Variants in CNTN1 observed in about 807,000 individuals in gnomAD.
CNTN1 encodes contactin 1.
In CNTN1, 38 loss-of-function variants were observed where a neutral mutation model predicts 126.4. That is an observed-to-expected ratio of 0.30 (90% CI 0.23 to 0.39). The LOEUF (loss-of-function observed/expected upper bound fraction) is 0.39, where lower values mean the gene tolerates loss of function less well. Ranked by LOEUF, CNTN1 falls within the 10% of genes least tolerant of loss-of-function variation. CNTN1 has a pLI of 1.00. For synonymous variants in CNTN1, 413 were observed against 422.6 expected (o/e 0.98, Z 0.28); for missense variants, 1,009 against 1,248.4 (o/e 0.81, Z 2.89).
At chr12:40,747,180 G>GT (rs1422778587) in intron 1 of CNTN1, among the ~76,000 whole-genome samples, 1 of 152,006 alleles carries the variant, frequency 6.6e-6, no homozygotes, top group Non-Finnish European at 1.5e-5. Flanking sequence ...TCATGTTTTT[G>GT]TTTGTCTCAC....
At chr12:41,002,672 C>T (rs1195243703) in intron 17 of CNTN1, among the ~76,000 whole-genome samples, 2 of 151,734 alleles carry the variant, frequency 1.3e-5, no homozygotes. Flanking sequence ...ATTCTCCTGC[C>T]TCGGCCTCCT....
chr12:40,807,352 G>A (rs192980549), intron 1 of CNTN1, among the ~76,000 whole-genome samples: 71 of 152,016 alleles, frequency 4.7e-4, no homozygotes, highest in Middle Eastern at 3.4e-3. Flanking sequence ...CCTACATGGT[G>A]AGTAGTTCTC....
intron 1 of CNTN1, among the ~76,000 whole-genome samples, chr12:40,765,056 A>G (rs574623594): frequency 6.6e-6 from 1 of 151,292 alleles, no homozygotes; most frequent in African/African-American, 2.4e-5. Flanking sequence ...AATATTTTAT[A>G]TTATATATAT....
At chr12:41,019,772 T>A (rs1468858399) in intron 19 of CNTN1, among the ~76,000 whole-genome samples, 1 of 152,160 alleles carries the variant, frequency 6.6e-6, no homozygotes, top group African/African-American at 2.4e-5. Context: ...AATTTTTTTT[T>A]AAAGATCTTA....
At chr12:40,698,528 G>A (rs1941511919) in intron 1 of CNTN1, among the ~76,000 whole-genome samples, 1 of 152,058 alleles carries the variant, frequency 6.6e-6, no homozygotes, top group Non-Finnish European at 1.5e-5. Flanking sequence ...GAGCCACCAT[G>A]ACCGGCCATG....
At chr12:40,749,405 T>C (rs953193307) in intron 1 of CNTN1, among the ~76,000 whole-genome samples, 9 of 152,166 alleles carry the variant, frequency 5.9e-5, no homozygotes, top group African/African-American at 2.2e-4. Context: ...TGCACAGGAG[T>C]GTACAGATAT....
chr12:40,730,668 T>G (rs1394786799), intron 1 of CNTN1, among the ~76,000 whole-genome samples: 1 of 152,214 alleles, frequency 6.6e-6, no homozygotes, highest in African/African-American at 2.4e-5. Flanking sequence ...AATGGGTATT[T>G]GCTAACTTTC....
intron 1 of CNTN1, among the ~76,000 whole-genome samples, chr12:40,785,562 G>T (rs1255338335): frequency 6.6e-6 from 1 of 152,118 alleles, no homozygotes; most frequent in Non-Finnish European, 1.5e-5. Flanking sequence ...GATAGGTGGT[G>T]GAATTAGGAG....
At chr12:40,893,327 T>C (rs1195694802) in intron 1 of CNTN1, among the ~76,000 whole-genome samples, 1 of 152,052 alleles carries the variant, frequency 6.6e-6, no homozygotes, top group African/African-American at 2.4e-5. Flanking sequence ...AAAAACTAAA[T>C]GTCTTTAAAT....
At chr12:40,787,804 T>C (rs970368362) in intron 1 of CNTN1, among the ~76,000 whole-genome samples, 1 of 152,314 alleles carries the variant, frequency 6.6e-6, no homozygotes, top group Admixed American at 6.5e-5. Context: ...ATGAATTTCA[T>C]TGTGTGATTC....
At chr12:41,061,341 A>G (rs1949934530) in intron 23 of CNTN1, among the ~76,000 whole-genome samples, 1 of 152,170 alleles carries the variant, frequency 6.6e-6, no homozygotes, top group Non-Finnish European at 1.5e-5. Context: ...CATCCTGGTG[A>G]TCTGGTGTTT....
In CNTN1 at chr12:40,842,000, TAA is replaced by T. The variant is rs748859287; in HGVS notation, c.-76-66351_-76-66350del. ...CCCATAAATTTATACAAATTTTTTT[TAA>T]AAAAAGAAATAAATAAAAAGATATT... On this transcript the variant is annotated intron_variant, in intron 1 of 23. Coordinates refer to ENST00000551295, the MANE Select transcript of CNTN1 (RefSeq NM_001843.4). 6.2e-4 allele frequency among the ~76,000 whole-genome samples: 94 copies of T among 151,672 alleles called. 1 individual carries two copies. The highest frequency in any genetic ancestry group is 1.0e-3 in the Non-Finnish European group (71 of 67,756).
At chr12:40,856,793 G>A (rs1446315802) in intron 1 of CNTN1, among the ~76,000 whole-genome samples, 1 of 152,002 alleles carries the variant, frequency 6.6e-6, no homozygotes, top group Admixed American at 6.6e-5. Flanking sequence ...CTGCAAGGTT[G>A]ACTTTGAGGT....
rs1200733253 is a variant in CNTN1 at position 40,954,131 on chromosome 12, G to A, written c.1684-4983G>A. On this transcript the variant is annotated intron_variant, in intron 14 of 23. Transcript: ENST00000551295. ...TAGACACCGAAGCAACCAAAGTACT[G>A]AGTTCATTTAATGAATAAATACCAA... Among the ~76,000 whole-genome samples, 3 of 152,014 alleles carry A rather than the reference G, an allele frequency of 2.0e-5. No individual in the cohort carries two copies. In the East Asian group the frequency reaches 5.8e-4, roughly 29 times the overall value.
chr12:40,941,103 A>C (rs35188176), intron 12 of CNTN1, among the ~76,000 whole-genome samples: 5,053 of 152,262 alleles, frequency 0.033, 109 homozygotes, highest in Middle Eastern at 0.11. Context: ...ATATGTGTTC[A>C]AAAAAAGAAG....
intron 1 of CNTN1, among the ~76,000 whole-genome samples, chr12:40,898,426 G>A (rs890363775): frequency 2.6e-5 from 4 of 151,852 alleles, no homozygotes; most frequent in African/African-American, 7.3e-5. Context: ...GTCTTCGAAC[G>A]GGTTTTGAAT....
intron 1 of CNTN1, among the ~76,000 whole-genome samples, chr12:40,868,278 A>G (rs1943367207): frequency 6.6e-6 from 1 of 152,170 alleles, no homozygotes; most frequent in African/African-American, 2.4e-5. Context: ...TTCTCTATAC[A>G]AAGATCATTA....
chr12:40,884,786 G>C (rs1943976139), intron 1 of CNTN1, among the ~76,000 whole-genome samples: 1 of 151,472 alleles, frequency 6.6e-6, no homozygotes, highest in South Asian at 2.1e-4. Context: ...ACTGCTGTGA[G>C]TTCCTTATAG....
At chr12:40,923,162 ATAG>A (rs1379639815) in intron 5 of CNTN1, among the ~76,000 whole-genome samples, 16 of 151,984 alleles carry the variant, frequency 1.1e-4, no homozygotes, top group Non-Finnish European at 1.8e-4. Context: ...TTAACTTCTA[ATAG>A]TAGGAATAAA....
Sources: allele counts gnomAD v4.1 joint callset (sites outside exome capture counted in the v4.1 genomes callset), GRCh38; gene constraint gnomAD v4.1.1; transcripts MANE v1.5; gene names NCBI Gene and HGNC (gene_info 2026-07-23, HGNC 2026-07-21).